Variants in SPOPL observed in about 807,000 individuals in gnomAD.
SPOPL encodes speckle type BTB/POZ protein like.
In SPOPL, 23 loss-of-function variants were observed where a neutral mutation model predicts 53.8. The ratio of observed to expected loss-of-function variants is 0.43; its 90% CI spans 0.31 to 0.61. The LOEUF (loss-of-function observed/expected upper bound fraction) is 0.61. Ranked by LOEUF, SPOPL falls within the 20% of genes least tolerant of loss-of-function variation. SPOPL has a pLI of 0.12. For missense variants in SPOPL, 442 were observed against 466.9 expected (o/e 0.95, Z 0.49); for synonymous variants, 164 against 149.7 (o/e 1.10, Z -0.70).
intron 2 of SPOPL, 37 bp from the exon 3 acceptor site, chr2:138,550,446 C>T (rs371775955): frequency 1.9e-5 from 30 of 1,595,148 alleles, no homozygotes; most frequent in Non-Finnish European, 2.5e-5. Flanking sequence ...AAAGTATTAC[C>T]GTCATCATTA....
intron 1 of SPOPL, among the ~76,000 whole-genome samples, chr2:138,526,710 CTT>C (rs1684683556): frequency 6.7e-6 from 1 of 148,300 alleles, no homozygotes; most frequent in Admixed American, 6.9e-5. Flanking sequence ...GGTCCTCATT[CTT>C]AAATAGAGTA....
rs757753670 is a variant in SPOPL at position 138,536,346 on chromosome 2, C to CCACACACA, written c.-60-13803_-60-13796dup. 1.0e-3 allele frequency among the ~76,000 whole-genome samples: 156 copies of CCACACACA among 151,306 alleles called. 1 individual carries two copies. Among genetic ancestry groups the CCACACACA allele is most frequent in the African/African-American group, 3.8e-3 (154 of 40,826 alleles). On this transcript the variant is annotated intron_variant, in intron 1 of 10. Coordinates refer to ENST00000280098, the MANE Select transcript of SPOPL (RefSeq NM_001001664.3). Reference sequence around the variant, plus strand: ...GTGGAGTCTATTTAGTGCCCCCCCCCCACACACACACACACGCACACAGTG... The same window carrying CCACACACA: ...GTGGAGTCTATTTAGTGCCCCCCCCCCACACACACACACACACACACACGCACACAGTG...
In SPOPL at chr2:138,559,006, G is replaced by T; in HGVS notation, c.481-16G>T. The T allele has an allele frequency of 6.5e-7, 1 of 1,549,448 alleles. No homozygotes were observed. On this transcript the variant is annotated splice_polypyrimidine_tract_variant and intron_variant, in intron 5 of 10. Transcript: ENST00000280098. Reference sequence around the variant, plus strand: ...ACTTTGTGAAAGTGTTTTTCTTGCTGTCCCTTTTTTATTAGGTGAGTGTGG... The same window carrying T: ...ACTTTGTGAAAGTGTTTTTCTTGCTTTCCCTTTTTTATTAGGTGAGTGTGG...
At chr2:138,533,378 C>G (rs1165812120) in intron 1 of SPOPL, among the ~76,000 whole-genome samples, 3 of 152,152 alleles carry the variant, frequency 2.0e-5, no homozygotes, top group Non-Finnish European at 4.4e-5. Flanking sequence ...ATCACTGTTA[C>G]AGTACTCTCT....
chr2:138,536,203 G>A (rs1243179207), intron 1 of SPOPL, among the ~76,000 whole-genome samples: 2 of 151,872 alleles, frequency 1.3e-5, no homozygotes, highest in Non-Finnish European at 1.5e-5. Context: ...TTCATGCCTC[G>A]TAATTTTCTA....
intron 1 of SPOPL, among the ~76,000 whole-genome samples, chr2:138,517,812 C>A (rs1488950023): frequency 2.0e-5 from 3 of 151,220 alleles, no homozygotes; most frequent in Non-Finnish European, 4.4e-5. Context: ...TTTGGGAGGC[C>A]GAGGCGGGCG....
intron 1 of SPOPL, among the ~76,000 whole-genome samples, chr2:138,517,738 CAAA>C (rs1368460433): frequency 1.9e-5 from 2 of 103,826 alleles, no homozygotes; most frequent in Non-Finnish European, 4.0e-5. Context: ...GACTCCGTCT[CAAA>C]AAAAAAAAAA....
rs533276034 is a variant in SPOPL at position 138,518,375 on chromosome 2, G to T, written c.-61+16256G>T. 5.3e-5 allele frequency among the ~76,000 whole-genome samples: 8 copies of T among 152,232 alleles called. No homozygotes were observed. In the South Asian group the frequency reaches 1.5e-3, roughly 28 times the overall value. On this transcript the variant is annotated intron_variant, in intron 1 of 10. Transcript: ENST00000280098. ...AATAACTGTGCAGGAACTACCCTAAGTATAGACCTTATCTCCTGTAATACT... is the reference window on the plus strand; with the variant it reads ...AATAACTGTGCAGGAACTACCCTAATTATAGACCTTATCTCCTGTAATACT...
rs1398690317 is a variant in SPOPL, at chr2:138,572,833, T to C, written c.*3753T>C. 1 of 152,554 alleles carries C rather than the reference T, an allele frequency of 6.6e-6. No individual in the cohort carries two copies. Among genetic ancestry groups the C allele is most frequent in the African/African-American group, 2.4e-5 (1 of 41,434 alleles). The allele number at this position is 152,554 out of a possible 1,614,324, so 9.5% of individuals were successfully genotyped here. ...AGTGCCTATCATATGCAAGACTAACTCCTTACTAGGAATGAAATCACACAG... is the reference window on the plus strand; with the variant it reads ...AGTGCCTATCATATGCAAGACTAACCCCTTACTAGGAATGAAATCACACAG... On this transcript the variant is annotated 3_prime_UTR_variant, in exon 11 of 11. Coordinates refer to ENST00000280098, the MANE Select transcript of SPOPL (RefSeq NM_001001664.3).
intron 1 of SPOPL, among the ~76,000 whole-genome samples, chr2:138,539,309 C>G (rs1329204337): frequency 6.6e-6 from 1 of 152,114 alleles, no homozygotes; most frequent in African/African-American, 2.4e-5. Flanking sequence ...GTTCAAGATC[C>G]CTAAGGAATC....
At chr2:138,526,917 G>C (rs1017411177) in intron 1 of SPOPL, among the ~76,000 whole-genome samples, 3 of 151,954 alleles carry the variant, frequency 2.0e-5, no homozygotes, top group Non-Finnish European at 4.4e-5. Flanking sequence ...GTAGAGACAG[G>C]GTTTTGCCAT....
chr2:138,502,242 T>TC (rs2104848465), intron 1 of SPOPL, 123 bp downstream of exon 1: 1 of 152,184 alleles, frequency 6.6e-6, no homozygotes, highest in East Asian at 2.0e-4. Flanking sequence ...GCTCTCTGGG[T>TC]CCCGGACCCC....
chr2:138,511,962 C>A (rs1307102158), intron 1 of SPOPL, among the ~76,000 whole-genome samples: 1 of 152,096 alleles, frequency 6.6e-6, no homozygotes, highest in African/African-American at 2.4e-5. Flanking sequence ...AATGGTAAAA[C>A]CATATAGTTG....
At chr2:138,560,955 A>C (rs1273235377) in intron 8 of SPOPL, 28 bp downstream of exon 8, 1 of 1,592,740 alleles carries the variant, frequency 6.3e-7, no homozygotes, top group African/African-American at 1.4e-5. Context: ...AAGGAACCAA[A>C]ATATACCCTC....
At chr2:138,556,555 G>C (rs1685428229) in intron 5 of SPOPL, among the ~76,000 whole-genome samples, 1 of 152,112 alleles carries the variant, frequency 6.6e-6, no homozygotes, top group Admixed American at 6.6e-5. Context: ...ACGAAACCTT[G>C]AATATTAACA....
intron 7 of SPOPL, among the ~76,000 whole-genome samples, chr2:138,559,669 GACTTTAT>G (rs1685503596): frequency 1.3e-5 from 2 of 152,110 alleles, no homozygotes; most frequent in Non-Finnish European, 2.9e-5. Flanking sequence ...CCCTTTGTAA[GACTTTAT>G]GGATTGATTT....
At chr2:138,553,847 G>A (rs1042347977) in intron 5 of SPOPL, among the ~76,000 whole-genome samples, 3 of 152,044 alleles carry the variant, frequency 2.0e-5, no homozygotes, top group African/African-American at 7.2e-5. Flanking sequence ...ATTCTAAGTA[G>A]TAGTCTAAAT....
chr2:138,550,294 G>A lies in SPOPL; in HGVS notation c.78G>A (p.Gln26=). Residue 26 remains glutamine, a splice_region_variant and synonymous_variant, in exon 2 of 11, where the codon CAG becomes CAA. Coordinates refer to ENST00000280098, the MANE Select transcript of SPOPL (RefSeq NM_001001664.3). ...TAGCAGAAAGCTGGTGTTACACACA[G>A]GTACATGCTCTTAAAAATCCCTCAC... ...GPIAESWCYT[Q]VKVVKFSYMW... 6.2e-7 allele frequency: 1 copy of A among 1,613,486 alleles called. No individual in the cohort carries two copies.
chr2:138,534,618 CAT>C (rs1235126047), intron 1 of SPOPL, among the ~76,000 whole-genome samples: 3 of 152,078 alleles, frequency 2.0e-5, no homozygotes, highest in Admixed American at 1.3e-4. Context: ...ATTCATATAA[CAT>C]AAAATCTATC....
Sources: allele counts gnomAD v4.1 joint callset (sites outside exome capture counted in the v4.1 genomes callset), GRCh38; gene constraint gnomAD v4.1.1; transcripts MANE v1.5; gene names NCBI Gene and HGNC (gene_info 2026-07-23, HGNC 2026-07-21).